The following GRAMD4 variants were observed in gnomAD, a reference collection of about 807,000 sequenced individuals.
GRAMD4 encodes GRAM domain containing 4.
In GRAMD4, 25 loss-of-function variants were observed where a neutral mutation model predicts 83.9. That is an observed-to-expected ratio of 0.30 (90% CI 0.22 to 0.42). The LOEUF is 0.42. Among genes scored for constraint, GRAMD4 ranks in the 10% least tolerant of loss-of-function variants. GRAMD4 has a pLI of 1.00. For missense variants in GRAMD4, 593 were observed against 788.7 expected (o/e 0.75, Z 2.97); for synonymous variants, 336 against 320.9 (o/e 1.05, Z -0.50).
chr22:46,675,422 C>A, intron 16 of GRAMD4, 46 bp from the exon 17 acceptor site: 2 of 1,356,476 alleles, frequency 1.5e-6, no homozygotes, highest in Non-Finnish European at 2.1e-6. Flanking sequence ...TGGGAGCGTG[C>A]TCTGGTTCAA....
rs137975822 is a variant in GRAMD4 at position 46,609,673 on chromosome 22, C to T, written c.-49-17078C>T. ...GCACGCTGATGGTCAGAGAGGCCCA[C>T]GCACACACTGGATTCCGCATTGTGG... On this transcript the variant is annotated intron_variant, in intron 1 of 1. Coordinates refer to the GRAMD4 transcript ENST00000431155. Among the ~76,000 whole-genome samples the T allele has an allele frequency of 4.4e-3, 665 of 152,312 alleles. 3 individuals carry two copies. Among genetic ancestry groups the T allele is most frequent in the African/African-American group, 0.015 (631 of 41,562 alleles).
intron 13 of GRAMD4, among the ~76,000 whole-genome samples, chr22:46,670,142 G>C (rs1014848651): frequency 6.6e-6 from 1 of 152,228 alleles, no homozygotes; most frequent in Non-Finnish European, 1.5e-5. Context: ...TCTAGGCTTG[G>C]CGTGCTGCGC....
chr22:46,577,165 C>A, exon 1 of GRAMD4: 1 of 433,742 alleles, frequency 2.3e-6, no homozygotes, highest in Non-Finnish European at 3.0e-6. Context: ...ACCCGCGGGG[C>A]CGCCTCCTCC....
chr22:46,599,432 C>T (rs2081291875), intron 1 of GRAMD4, among the ~76,000 whole-genome samples: 1 of 152,084 alleles, frequency 6.6e-6, no homozygotes, highest in Non-Finnish European at 1.5e-5. Context: ...GATTCTCCTG[C>T]CTCAGCCTCG....
chr22:46,657,971 G>A (rs564198480), intron 3 of GRAMD4, among the ~76,000 whole-genome samples: 32 of 152,272 alleles, frequency 2.1e-4, no homozygotes, highest in African/African-American at 7.0e-4. Context: ...GAGGAGCCCC[G>A]TTACTAGCTC....
Position 46,621,785 on chromosome 22 carries a change from C to T in GRAMD4, c.-50+1220C>T, listed in dbSNP as rs978601495. 2.0e-5 allele frequency among the ~76,000 whole-genome samples: 3 copies of T among 152,200 alleles called. No homozygotes were observed. The highest frequency in any genetic ancestry group is 2.1e-4 in the South Asian group (1 of 4,834). Reference sequence around the variant, plus strand: ...GGCTGGAAGTGTAGCCCGGGCCCATCCCTGGTGGTGAAGGCTGGAAGGTCC... The same window carrying T: ...GGCTGGAAGTGTAGCCCGGGCCCATTCCTGGTGGTGAAGGCTGGAAGGTCC... On this transcript the variant is annotated intron_variant, in intron 1 of 18. Coordinates refer to ENST00000406902, the MANE Select transcript of GRAMD4 (RefSeq NM_015124.5). The surrounding 1 kb of genome is among the most constrained non-coding windows in gnomAD (Gnocchi z 5.8).
rs758742702 is a variant in GRAMD4, at chr22:46,663,883, C to G, written c.625+20C>G. The stretch of plus-strand genomic sequence containing the variant: ...GGCTCAGTGAGTACCAGCGGCTCTG[C>G]GTGGCGCCCACGATGCTCAGTGTGG... On this transcript the variant is annotated intron_variant, in intron 7 of 18. Transcript: ENST00000406902. 6.2e-7 allele frequency: 1 copy of G among 1,612,364 alleles called. No homozygotes were observed. Among genetic ancestry groups the G allele is most frequent in the Admixed American group, 1.7e-5 (1 of 60,002 alleles).
chr22:46,615,396 T>C (rs1294565399), upstream of GRAMD4, among the ~76,000 whole-genome samples: 1 of 77,606 alleles, frequency 1.3e-5, no homozygotes, highest in Non-Finnish European at 2.6e-5. Context: ...CCTGTGTGTG[T>C]AGGCTCTCCT....
At chr22:46,653,303 A>G (rs755745389) in intron 3 of GRAMD4, among the ~76,000 whole-genome samples, 3 of 152,084 alleles carry the variant, frequency 2.0e-5, no homozygotes, top group Non-Finnish European at 4.4e-5. Context: ...TGGCGTTCAC[A>G]TGGCGTCCTC....
intron 1 of GRAMD4, among the ~76,000 whole-genome samples, chr22:46,589,679 TC>T (rs1384903143): frequency 6.6e-6 from 1 of 152,012 alleles, no homozygotes; most frequent in Non-Finnish European, 1.5e-5. Context: ...CCAGTCCCGC[TC>T]TGTTTGCTTT....
chr22:46,578,531 G>A (rs951007673), intron 1 of GRAMD4, among the ~76,000 whole-genome samples: 2 of 152,190 alleles, frequency 1.3e-5, no homozygotes, highest in Non-Finnish European at 2.9e-5. Flanking sequence ...TTCAAAATGG[G>A]TTTAGGAGGT....
Position 46,662,981 on chromosome 22 carries a change from G to A in GRAMD4, c.467-59G>A, listed in dbSNP as rs116364254. Reference sequence around the variant, plus strand: ...CTCCCTGCCCTGAGATCCCGGAGCCGACCCCAGAACAGGCAGTGCAGCCCT... The same window carrying A: ...CTCCCTGCCCTGAGATCCCGGAGCCAACCCCAGAACAGGCAGTGCAGCCCT... On this transcript the variant is annotated intron_variant, in intron 5 of 18. Coordinates refer to ENST00000406902, the MANE Select transcript of GRAMD4 (RefSeq NM_015124.5). 5,393 of 1,506,352 alleles carry A rather than the reference G, an allele frequency of 3.6e-3. 165 individuals carry two copies. In the African/African-American group the frequency reaches 0.066, roughly 19 times the overall value. 93.3% of individuals were successfully genotyped at this position (1,506,352 alleles called of 1,614,324 possible).
chr22:46,599,542 G>T (rs781307071), intron 1 of GRAMD4, among the ~76,000 whole-genome samples: 2 of 151,994 alleles, frequency 1.3e-5, no homozygotes, highest in Non-Finnish European at 2.9e-5. Flanking sequence ...GGCCAGGCTG[G>T]TCTTGAACTC....
intron 5 of GRAMD4, among the ~76,000 whole-genome samples, chr22:46,662,096 C>T (rs1026438706): frequency 6.6e-6 from 1 of 152,238 alleles, no homozygotes; most frequent in East Asian, 1.9e-4. Context: ...ACAGCCGGGC[C>T]GGTTCACTTA....
intron 8 of GRAMD4, among the ~76,000 whole-genome samples, chr22:46,664,422 C>T (rs548215551): frequency 7.2e-5 from 11 of 152,202 alleles, no homozygotes; most frequent in Non-Finnish European, 1.3e-4. Flanking sequence ...TGGCACTCAC[C>T]GTGCAGTGCG....
intron 3 of GRAMD4, among the ~76,000 whole-genome samples, chr22:46,646,518 G>A (rs2082075111): frequency 2.0e-5 from 3 of 152,210 alleles, no homozygotes; most frequent in Admixed American, 2.0e-4. Context: ...TTCAGAGTGA[G>A]GAAGACCTTC....
At chr22:46,581,996 G>A (rs562975535) in intron 1 of GRAMD4, among the ~76,000 whole-genome samples, 5 of 152,278 alleles carry the variant, frequency 3.3e-5, no homozygotes, top group Admixed American at 2.0e-4. Flanking sequence ...AGGCCCAGGT[G>A]GGTGGAGAGG....
chr22:46,677,760 G>T lies in GRAMD4; in HGVS notation c.*509G>T. 1 of 986,134 alleles carries T rather than the reference G, an allele frequency of 1.0e-6. No homozygotes were observed. Among genetic ancestry groups the T allele is most frequent in the East Asian group, 1.1e-4 (1 of 8,822 alleles). 61.1% of individuals were successfully genotyped at this position (986,134 alleles called of 1,614,324 possible). ...GGCCTTTCACCAACCACCGAGAAAC[G>T]GGCCTGGCGGCCCTCCTTCCTCTTA... On this transcript the variant is annotated 3_prime_UTR_variant, in exon 19 of 19. Transcript: ENST00000406902.
At chr22:46,586,126 C>T (rs926094379) in intron 1 of GRAMD4, among the ~76,000 whole-genome samples, 8 of 152,004 alleles carry the variant, frequency 5.3e-5, no homozygotes, top group Non-Finnish European at 1.0e-4. Flanking sequence ...GAGCACAGCC[C>T]GGGGAGCCAG....
Sources: allele counts gnomAD v4.1 joint callset (sites outside exome capture counted in the v4.1 genomes callset), GRCh38; gene constraint gnomAD v4.1.1; non-coding constraint Gnocchi (gnomAD v3.1); transcripts MANE v1.5; gene names NCBI Gene and HGNC (gene_info 2026-07-23, HGNC 2026-07-21).